EFCAB6: variants seen among roughly 807,000 people sequenced by gnomAD.
The protein encoded by EFCAB6 is EF-hand calcium-binding domain-containing protein 6.
EFCAB6 carries 156 observed loss-of-function variants against 169.8 expected under a neutral mutation model. That is an observed-to-expected ratio of 0.92 (90% CI 0.81 to 1.05). EFCAB6 has a LOEUF of 1.05. Among genes scored for constraint, EFCAB6 ranks in the 50% least tolerant of loss-of-function variants. The pLI is 0.00. For synonymous variants in EFCAB6, 698 were observed against 676.4 expected, an observed-to-expected ratio of 1.03 and a Z score of -0.50; for missense variants, 1,800 against 1,829.1, an observed-to-expected ratio of 0.98 and a Z score of 0.29.
At chr22:43,608,762 T>C (rs2053099862) in intron 21 of EFCAB6, among the ~76,000 whole-genome samples, 162 bp from the exon 22 acceptor site, 1 of 152,180 alleles carries the variant, frequency 6.6e-6, no homozygotes, top group East Asian at 1.9e-4. Flanking sequence ...TCATCATTCC[T>C]GGAAAGAAAG....
intron 25 of EFCAB6, among the ~76,000 whole-genome samples, chr22:43,576,805 C>A (rs2050286229): frequency 6.6e-6 from 1 of 152,212 alleles, no homozygotes; most frequent in African/African-American, 2.4e-5. Context: ...CTCGCCCCTG[C>A]TCCCAGGATC....
intron 8 of EFCAB6, among the ~76,000 whole-genome samples, chr22:43,717,554 T>C (rs932573205): frequency 6.6e-6 from 1 of 152,114 alleles, no homozygotes. Flanking sequence ...ATAATTCACA[T>C]AAAAAGAATT....
intron 12 of EFCAB6, among the ~76,000 whole-genome samples, chr22:43,681,684 T>C (rs2058011637): frequency 6.6e-6 from 1 of 152,240 alleles, no homozygotes; most frequent in Non-Finnish European, 1.5e-5. Flanking sequence ...ATAGAAATAC[T>C]GTTGGTCTTT....
Position 43,796,179 on chromosome 22 carries a change from C to T in EFCAB6, c.-8+12816G>A, listed in dbSNP as rs1021662202. Among the ~76,000 whole-genome samples, 6 of 152,148 alleles carry T rather than the reference C, an allele frequency of 3.9e-5. No individual in the cohort carries two copies. The South Asian group carries it at 1.2e-3, about 32-fold the overall frequency. On this transcript the variant is annotated intron_variant, in intron 2 of 31. Coordinates refer to ENST00000262726, the MANE Select transcript of EFCAB6 (RefSeq NM_022785.4). Reference sequence around the variant, plus strand: ...CCACAATTCCTCACTCATCCCTCTACTGAGAACTGGTGGCCAGTGTCAGCC... The same window carrying T: ...CCACAATTCCTCACTCATCCCTCTATTGAGAACTGGTGGCCAGTGTCAGCC...
At chr22:43,701,791 C>T (rs530717191) in intron 10 of EFCAB6, among the ~76,000 whole-genome samples, 5 of 148,596 alleles carry the variant, frequency 3.4e-5, no homozygotes, top group Non-Finnish European at 7.4e-5. Flanking sequence ...GATGAATTTA[C>T]GGATCTTAAG....
At chr22:43,804,776 A>C (rs1016980168) in intron 2 of EFCAB6, among the ~76,000 whole-genome samples, 8 of 150,620 alleles carry the variant, frequency 5.3e-5, no homozygotes, top group Non-Finnish European at 1.2e-4. Flanking sequence ...AAAAAAAAAA[A>C]AATCAGAGGA....
At chr22:43,731,222 G>C (rs757600085) in intron 8 of EFCAB6, among the ~76,000 whole-genome samples, 4 of 152,144 alleles carry the variant, frequency 2.6e-5, no homozygotes, top group Non-Finnish European at 4.4e-5. Context: ...TCTGTCTCAA[G>C]GTTATGTCTA....
intron 25 of EFCAB6, among the ~76,000 whole-genome samples, chr22:43,578,820 CTACACGCAGGCATCATTCCG>C (rs1569189018): frequency 1.2e-5 from 1 of 84,412 alleles, no homozygotes; most frequent in Non-Finnish European, 2.9e-5. Context: ...GCATCATTCC[CTACACGCAGGCATCATTCCG>C]TACATGCAGG....
chr22:43,761,872 A>G (rs2061173566), intron 5 of EFCAB6, among the ~76,000 whole-genome samples: 1 of 151,972 alleles, frequency 6.6e-6, no homozygotes, highest in African/African-American at 2.4e-5. Context: ...ATTCTTTGAT[A>G]GTTCCAATAT....
At chr22:43,770,479 TG>T (rs2061436167) in intron 4 of EFCAB6, among the ~76,000 whole-genome samples, 1 of 152,248 alleles carries the variant, frequency 6.6e-6, no homozygotes, top group South Asian at 2.1e-4. Flanking sequence ...ATTTTAACTA[TG>T]TTCAATGAGT....
intron 23 of EFCAB6, among the ~76,000 whole-genome samples, chr22:43,598,124 T>C (rs1299574814): frequency 1.3e-5 from 2 of 151,722 alleles, no homozygotes; most frequent in East Asian, 1.9e-4. Flanking sequence ...CTGGGCAACA[T>C]GGTGAAGCCC....
At chr22:43,713,143 G>C (rs561670946) in intron 9 of EFCAB6, among the ~76,000 whole-genome samples, 1 of 151,848 alleles carries the variant, frequency 6.6e-6, no homozygotes, top group African/African-American at 2.4e-5. Flanking sequence ...TAACACCCTG[G>C]TCTTTTTCAT....
chr22:43,557,506 A>G (rs930212193), intron 26 of EFCAB6, among the ~76,000 whole-genome samples: 6 of 152,238 alleles, frequency 3.9e-5, no homozygotes, highest in African/African-American at 1.4e-4. Flanking sequence ...ACAGGTAACC[A>G]CAAAAGAAAT....
chr22:43,539,707 G>C (rs146806706), intron 28 of EFCAB6, among the ~76,000 whole-genome samples: 1 of 152,218 alleles, frequency 6.6e-6, no homozygotes, highest in Admixed American at 6.5e-5. Flanking sequence ...AAGATCACAT[G>C]AGAATGCCTC....
At chr22:43,590,543 T>G (rs2051415757) in intron 23 of EFCAB6, among the ~76,000 whole-genome samples, 1 of 152,172 alleles carries the variant, frequency 6.6e-6, no homozygotes, top group South Asian at 2.1e-4. Context: ...TGGTTTTACA[T>G]ATAGACATGT....
At chr22:43,617,863 T>C (rs1602640565) in intron 20 of EFCAB6, among the ~76,000 whole-genome samples, 1 of 151,860 alleles carries the variant, frequency 6.6e-6, no homozygotes, top group African/African-American at 2.4e-5. Context: ...CAGCACTTTG[T>C]GAGGCCGAGG....
rs183705435 is a variant in EFCAB6 at position 43,605,504 on chromosome 22, G to C, written c.2681+2978C>G. 4.4e-3 allele frequency among the ~76,000 whole-genome samples: 673 copies of C among 152,232 alleles called. 1 individual carries two copies. Among genetic ancestry groups the C allele is most frequent in the Middle Eastern group, 0.02 (6 of 294 alleles). On this transcript the variant is annotated intron_variant, in intron 22 of 31. Coordinates refer to ENST00000262726, the MANE Select transcript of EFCAB6 (RefSeq NM_022785.4). ...CTAAAAATACAAAAATTAGCTGAGC[G>C]TGGTGGTGCGTGCCTGTAATCCCAG...
intron 31 of EFCAB6, 129 bp downstream of exon 31, chr22:43,530,686 T>A: frequency 2.0e-6 from 3 of 1,511,264 alleles, no homozygotes; most frequent in Non-Finnish European, 2.6e-6. Context: ...CCCAGGGAAG[T>A]GAGATCTGAA....
intron 19 of EFCAB6, among the ~76,000 whole-genome samples, chr22:43,627,219 C>G (rs767146047): frequency 6.6e-6 from 1 of 152,190 alleles, no homozygotes; most frequent in Non-Finnish European, 1.5e-5. Context: ...CTCAGCCCAT[C>G]GTGCTGGTTG....
Sources: gnomAD v4.1 joint callset for allele counts (sites outside exome capture counted in the v4.1 genomes callset) on GRCh38, gnomAD v4.1.1 for gene constraint, MANE v1.5 for transcripts, NCBI Gene and HGNC (gene_info 2026-07-23, HGNC 2026-07-21) for gene names.